Variants in PGM1 observed in about 807,000 individuals in gnomAD.
PGM1 encodes phosphoglucomutase 1, also known as phosphoglucomutase-1.
Under a neutral mutation model 55.6 loss-of-function variants are expected in PGM1, and 52 were observed. The observed-to-expected ratio is 0.94, with a 90% confidence interval of 0.75 to 1.18. PGM1 has a LOEUF of 1.18. Among genes scored for constraint, PGM1 ranks in the 50% most tolerant of loss-of-function variants. The probability of loss-of-function intolerance (pLI) is 0.00; values close to 1 mark genes in which losing one functional copy is unlikely to be tolerated. For missense variants in PGM1, 724 were observed against 729.3 expected, an observed-to-expected ratio of 0.99 and a Z score of 0.08; for synonymous variants, 287 against 271.7, an observed-to-expected ratio of 1.06 and a Z score of -0.55.
At chr1:63,657,582 CT>C (rs1182561227) in intron 10 of PGM1, among the ~76,000 whole-genome samples, 2 of 152,180 alleles carry the variant, frequency 1.3e-5, no homozygotes, top group East Asian at 1.9e-4. Context: ...ATCTCTAAAA[CT>C]TTTTTCCCCC....
intron 8 of PGM1, chr1:63,651,372 C>G (rs1649802524): frequency 2.8e-6 from 1 of 362,232 alleles, no homozygotes; most frequent in African/African-American, 2.1e-5. Flanking sequence ...TGTTAGATAG[C>G]ATCTTTCAAA....
At chr1:63,616,428 C>T (rs889607685) in intron 1 of PGM1, among the ~76,000 whole-genome samples, 3 of 152,182 alleles carry the variant, frequency 2.0e-5, no homozygotes, top group African/African-American at 7.2e-5. Flanking sequence ...AGAATGCCTT[C>T]CATGGCTTCT....
At chr1:63,640,681 G>A (rs1171925877) in intron 7 of PGM1, among the ~76,000 whole-genome samples, 1 of 152,218 alleles carries the variant, frequency 6.6e-6, no homozygotes, top group Non-Finnish European at 1.5e-5. Flanking sequence ...GAACAGGCCT[G>A]AAGACAGGAT....
chr1:63,654,238 G>T, intron 9 of PGM1, 94 bp from the exon 10 acceptor site: 1 of 1,251,208 alleles, frequency 8.0e-7, no homozygotes, highest in Non-Finnish European at 1.2e-6. Context: ...GAACAAGTAT[G>T]GATGAAATTA....
intron 3 of PGM1, among the ~76,000 whole-genome samples, chr1:63,630,827 GC>G: frequency 6.6e-6 from 1 of 152,310 alleles, no homozygotes; most frequent in Non-Finnish European, 1.5e-5. Flanking sequence ...CTTCTGGATT[GC>G]AACTTTATGG....
At chr1:63,620,656 C>A (rs1648856755) in intron 1 of PGM1, among the ~76,000 whole-genome samples, 1 of 152,142 alleles carries the variant, frequency 6.6e-6, no homozygotes, top group Non-Finnish European at 1.5e-5. Flanking sequence ...CTGCTATGCT[C>A]TACTGGGAAG....
chr1:63,621,090 T>C (rs1040429501), intron 1 of PGM1, among the ~76,000 whole-genome samples: 1 of 152,208 alleles, frequency 6.6e-6, no homozygotes, highest in Non-Finnish European at 1.5e-5. Context: ...GGTTGAGTTC[T>C]ATAGTGTTCA....
At chr1:63,623,124 C>A in intron 1 of PGM1, 1 of 798,420 alleles carries the variant, frequency 1.3e-6, no homozygotes, top group Non-Finnish European at 1.6e-6. Flanking sequence ...GCATGCAGCA[C>A]TCCTTGGAGC....
At chr1:63,597,201 G>A (rs1278348849) in intron 1 of PGM1, among the ~76,000 whole-genome samples, 1 of 151,992 alleles carries the variant, frequency 6.6e-6, no homozygotes, top group African/African-American at 2.4e-5. Context: ...ATAGAGGGGT[G>A]GTAGCCGAAT....
At chr1:63,597,643 T>C (rs1648118711) in intron 1 of PGM1, among the ~76,000 whole-genome samples, 1 of 152,206 alleles carries the variant, frequency 6.6e-6, no homozygotes, top group Non-Finnish European at 1.5e-5. Flanking sequence ...AGGAATTTTA[T>C]TGGCCCATGT....
chr1:63,637,130 G>A lies in PGM1; in HGVS notation c.1028+742G>A, dbSNP rs181116541. On this transcript the variant is annotated intron_variant, in intron 6 of 10. Coordinates refer to ENST00000371084, the MANE Select transcript of PGM1 (RefSeq NM_002633.3). ...ATGAATGAATGAATAAAAGGTCAAG[G>A]CCAGGGAGGAAAGTAGGCTGTAATA... Among the ~76,000 whole-genome samples, 3 of 152,312 alleles carry A rather than the reference G, an allele frequency of 2.0e-5. No individual in the cohort carries two copies. In the East Asian group the frequency reaches 5.8e-4, roughly 29 times the overall value.
chr1:63,633,876 GTGTGTGTGTGTGTGT>G (rs1557433485), intron 4 of PGM1, among the ~76,000 whole-genome samples: 1 of 23,096 alleles, frequency 4.3e-5, no homozygotes, highest in Non-Finnish European at 7.0e-5. Flanking sequence ...CTGTGTGTGT[GTGTGTGTGTGTGTGT>G]GTGTGTGTGT....
intron 1 of PGM1, among the ~76,000 whole-genome samples, chr1:63,605,623 G>C (rs1254726408): frequency 6.6e-6 from 1 of 151,794 alleles, no homozygotes. Context: ...TGCCATCCAG[G>C]CTGAGTGCAG....
At chr1:63,609,530 G>T (rs1465115417) in intron 1 of PGM1, among the ~76,000 whole-genome samples, 1 of 152,178 alleles carries the variant, frequency 6.6e-6, no homozygotes, top group Non-Finnish European at 1.5e-5. Flanking sequence ...TTCTATTACA[G>T]TCAGTCCTTG....
intron 7 of PGM1, among the ~76,000 whole-genome samples, chr1:63,642,013 C>T (rs1457684528): frequency 6.6e-6 from 1 of 152,158 alleles, no homozygotes; most frequent in East Asian, 1.9e-4. Context: ...GAACCACCCA[C>T]CTCAATGGAG....
In PGM1 at chr1:63,628,177, A is replaced by G. The variant is rs923165265; in HGVS notation, c.247-1248A>G. ...AGCACTCTGTAGCTCAGTAACAATC[A>G]TCGGTTTTGATTTCACACTATCTGC... On this transcript the variant is annotated intron_variant, in intron 1 of 10. Coordinates refer to ENST00000371084, the MANE Select transcript of PGM1 (RefSeq NM_002633.3). Among the ~76,000 whole-genome samples the G allele has an allele frequency of 3.9e-5, 6 of 152,216 alleles. No individual in the cohort carries two copies. In the South Asian group the frequency reaches 1.0e-3, roughly 26 times the overall value.
intron 10 of PGM1, among the ~76,000 whole-genome samples, chr1:63,658,397 CT>C (rs34314608): frequency 0.061 from 8,194 of 135,120 alleles, 200 homozygotes; most frequent in Middle Eastern, 0.095. Context: ...AGAATTCTCT[CT>C]TTTTTTTTTT....
At chr1:63,630,383 A>G (rs1374666595) in intron 3 of PGM1, among the ~76,000 whole-genome samples, 3 of 152,068 alleles carry the variant, frequency 2.0e-5, no homozygotes, top group Non-Finnish European at 4.4e-5. Flanking sequence ...TTCATAGTTA[A>G]CTTTTATTGA....
intron 1 of PGM1, among the ~76,000 whole-genome samples, chr1:63,613,259 C>CTTTTTT (rs11377805): frequency 0.14 from 15,331 of 107,330 alleles, 1,663 homozygotes; most frequent in African/African-American, 0.28. Flanking sequence ...GTTGGCTTAT[C>CTTTTTT]TTTTTTTTTT....
Sources: allele counts gnomAD v4.1 joint callset (sites outside exome capture counted in the v4.1 genomes callset), GRCh38; gene constraint gnomAD v4.1.1; transcripts MANE v1.5; gene names NCBI Gene and HGNC (gene_info 2026-07-23, HGNC 2026-07-21).